Variants in LPAR1 observed in about 807,000 individuals in gnomAD.
LPAR1 encodes the protein lysophosphatidic acid receptor 1, also known as LPA receptor 1.
Under a neutral mutation model 23.8 loss-of-function variants are expected in LPAR1, and 5 were observed. That is an observed-to-expected ratio of 0.21 (90% confidence interval 0.11 to 0.44). The LOEUF (loss-of-function observed/expected upper bound fraction) is 0.44. Ranked by LOEUF, LPAR1 falls within the 20% of genes least tolerant of loss-of-function variation. The pLI is 0.99. For missense variants in LPAR1, 311 were observed against 482.8 expected, an observed-to-expected ratio of 0.64 and a Z score of 3.33; for synonymous variants, 160 against 164.7, an observed-to-expected ratio of 0.97 and a Z score of 0.22.
At chr9:110,991,760 C>A (rs2096899602) in intron 2 of LPAR1, among the ~76,000 whole-genome samples, 1 of 152,004 alleles carries the variant, frequency 6.6e-6, no homozygotes, top group Admixed American at 6.6e-5. Context: ...AGGTATGTGC[C>A]ATTTGTATTT....
intron 2 of LPAR1, among the ~76,000 whole-genome samples, chr9:110,975,919 T>C (rs2096544475): frequency 6.6e-6 from 1 of 152,230 alleles, no homozygotes; most frequent in Admixed American, 6.5e-5. Flanking sequence ...ATGCTTACTT[T>C]GCCAAATACA....
intron 4 of LPAR1, among the ~76,000 whole-genome samples, chr9:110,965,756 G>A (rs766726756): frequency 6.6e-6 from 1 of 152,176 alleles, no homozygotes; most frequent in Non-Finnish European, 1.5e-5. Context: ...ATCTGACCCA[G>A]CAATCCCATT....
chr9:110,893,008 C>G (rs10980620), intron 5 of LPAR1, among the ~76,000 whole-genome samples: 24,920 of 152,068 alleles, frequency 0.16, 2,597 homozygotes, highest in Admixed American at 0.24. Context: ...TTAGCAAGCG[C>G]TTTGGCTTCA....
At chr9:111,005,808 A>C (rs1456154417) in intron 2 of LPAR1, among the ~76,000 whole-genome samples, 2 of 152,078 alleles carry the variant, frequency 1.3e-5, no homozygotes, top group Non-Finnish European at 2.9e-5. Context: ...TTTATCTTTC[A>C]ATCTTCCAAT....
intron 2 of LPAR1, among the ~76,000 whole-genome samples, chr9:110,997,000 G>A (rs1291572241): frequency 1.3e-5 from 2 of 152,156 alleles, no homozygotes; most frequent in East Asian, 1.9e-4. Flanking sequence ...AATTGCAGCT[G>A]TTTGTACTTA....
intron 5 of LPAR1, among the ~76,000 whole-genome samples, chr9:110,899,454 A>G (rs2087808828): frequency 6.6e-6 from 1 of 152,216 alleles, no homozygotes; most frequent in Admixed American, 6.5e-5. Flanking sequence ...AATAATACAC[A>G]GACCTGGCTT....
intron 5 of LPAR1, among the ~76,000 whole-genome samples, chr9:110,879,279 G>T (rs189626403): frequency 3.0e-4 from 45 of 152,000 alleles, no homozygotes; most frequent in African/African-American, 9.6e-4. Context: ...TTAGCCAGGC[G>T]TGGTGGCGCA....
chr9:110,969,714 A>G (rs75890644), intron 4 of LPAR1, among the ~76,000 whole-genome samples: 6 of 144,448 alleles, frequency 4.2e-5, no homozygotes, highest in Admixed American at 4.1e-4. Context: ...TCTGTCTCAG[A>G]AAAAAAAAAA....
At chr9:110,905,823 T>C (rs1216124712) in intron 5 of LPAR1, among the ~76,000 whole-genome samples, 2 of 152,336 alleles carry the variant, frequency 1.3e-5, no homozygotes, top group East Asian at 1.9e-4. Flanking sequence ...GTGGTGAACA[T>C]ACCTGGGCTA....
At chr9:110,975,046 T>C (rs1237729428) in intron 2 of LPAR1, among the ~76,000 whole-genome samples, 1 of 152,158 alleles carries the variant, frequency 6.6e-6, no homozygotes, top group Non-Finnish European at 1.5e-5. Context: ...TTGCTCTATG[T>C]GACATAAATG....
intron 5 of LPAR1, among the ~76,000 whole-genome samples, chr9:110,892,304 G>A (rs1421357262): frequency 6.6e-6 from 1 of 152,134 alleles, no homozygotes; most frequent in Non-Finnish European, 1.5e-5. Context: ...TGAGGAAGAG[G>A]TTGACCAACA....
Position 110,875,558 on chromosome 9 carries a change from C to T in LPAR1, c.958G>A (p.Ala320Thr), listed in dbSNP as rs145864224. The T allele has an allele frequency of 1.5e-5, 25 of 1,613,924 alleles. No individual in the cohort carries two copies. The highest frequency in any genetic ancestry group is 2.7e-5 in the African/African-American group (2 of 74,874). ...CAGCAGAGGATCTGCCTAAAGGTGG[C>T]GCTCATTTCTTTGTCGCGGTAGGAG... ...IYSYRDKEMS[A>T]TFRQILCCQR... The change falls in exon 6 of 6, where the codon GCC becomes ACC. Residue 320 changes from alanine (A) to threonine (T), a missense_variant. Around this residue, in one of 2 missense-constraint regions of LPAR1, gnomAD observed 250 missense variants for 427.2 expected, o/e 0.59. Coordinates refer to ENST00000683809, the MANE Select transcript of LPAR1 (RefSeq NM_001351411.2).
intron 5 of LPAR1, among the ~76,000 whole-genome samples, chr9:110,884,527 T>C (rs2081830318): frequency 1.3e-5 from 2 of 152,218 alleles, no homozygotes; most frequent in Non-Finnish European, 2.9e-5. Context: ...TAAACATTTG[T>C]TGAATGAATA....
chr9:110,917,706 G>T (rs1167241681), intron 5 of LPAR1, among the ~76,000 whole-genome samples: 1 of 152,132 alleles, frequency 6.6e-6, no homozygotes, highest in Non-Finnish European at 1.5e-5. Context: ...ACTTAGAAGG[G>T]TTATTTCTCC....
chr9:110,948,018 C>G (rs1446187092), intron 4 of LPAR1, among the ~76,000 whole-genome samples: 7 of 152,174 alleles, frequency 4.6e-5, no homozygotes, highest in Non-Finnish European at 1.0e-4. Flanking sequence ...TTTAGCAGAT[C>G]TCTTTCTGAT....
intron 4 of LPAR1, among the ~76,000 whole-genome samples, chr9:110,951,732 T>C (rs1276403104): frequency 1.3e-5 from 2 of 152,020 alleles, no homozygotes; most frequent in African/African-American, 2.4e-5. Context: ...ACTATGAACA[T>C]GTTCATACAC....
intron 5 of LPAR1, among the ~76,000 whole-genome samples, chr9:110,911,541 A>C (rs2092435126): frequency 1.3e-5 from 2 of 151,782 alleles, no homozygotes; most frequent in Non-Finnish European, 2.9e-5. Flanking sequence ...GATCCTATCT[A>C]AAAAAATAGT....
intron 2 of LPAR1, among the ~76,000 whole-genome samples, chr9:111,013,675 C>A (rs1441067852): frequency 2.0e-5 from 3 of 151,572 alleles, no homozygotes; most frequent in African/African-American, 7.3e-5. Flanking sequence ...ATTCTGATTC[C>A]AAAAAGAAAA....
At chr9:111,034,054 T>A (rs2097849806) in intron 2 of LPAR1, among the ~76,000 whole-genome samples, 1 of 152,202 alleles carries the variant, frequency 6.6e-6, no homozygotes, top group Non-Finnish European at 1.5e-5. Flanking sequence ...AGAGTGAAGA[T>A]AATGAGTTAA....
Sources: allele counts gnomAD v4.1 joint callset (sites outside exome capture counted in the v4.1 genomes callset), GRCh38; gene constraint gnomAD v4.1.1; regional missense constraint gnomAD v4.1.1; transcripts MANE v1.5; gene names NCBI Gene and HGNC (gene_info 2026-07-23, HGNC 2026-07-21).